The following KCNJ6 variants were observed in gnomAD, a reference collection of about 807,000 sequenced individuals.
KCNJ6 encodes G protein-activated inward rectifier potassium channel 2.
KCNJ6 carries 9 observed loss-of-function variants against 34.2 expected under a neutral mutation model. The ratio of observed to expected loss-of-function variants is 0.26; its 90% CI spans 0.16 to 0.46. KCNJ6 has a LOEUF of 0.46. KCNJ6 is among the 20% of genes least tolerant of loss of function. The pLI, the probability that KCNJ6 is intolerant of heterozygous loss-of-function variation, is 1.00. For synonymous variants in KCNJ6, 196 were observed against 207.1 expected, an observed-to-expected ratio of 0.95 and a Z score of 0.46; for missense variants, 236 against 531.3, an observed-to-expected ratio of 0.44 and a Z score of 5.46.
chr21:37,702,803 T>C (rs1033598581), intron 3 of KCNJ6, among the ~76,000 whole-genome samples: 2 of 151,842 alleles, frequency 1.3e-5, no homozygotes. Context: ...CTTATTGAGG[T>C]AGGAGGGAAA....
chr21:37,674,899 T>C (rs1161358603), intron 3 of KCNJ6, among the ~76,000 whole-genome samples: 2 of 152,286 alleles, frequency 1.3e-5, no homozygotes, highest in African/African-American at 4.8e-5. Flanking sequence ...AATGAATGAA[T>C]GAATAATGAA....
At chr21:37,752,748 A>G (rs1236557312) in intron 2 of KCNJ6, among the ~76,000 whole-genome samples, 1 of 152,096 alleles carries the variant, frequency 6.6e-6, no homozygotes, top group Non-Finnish European at 1.5e-5. Flanking sequence ...TCTTCCTGCA[A>G]CCCTGAGGAG....
At chr21:37,796,788 T>TTTC (rs2055244943) in intron 2 of KCNJ6, among the ~76,000 whole-genome samples, 1 of 129,746 alleles carries the variant, frequency 7.7e-6, no homozygotes, top group African/African-American at 2.9e-5. Flanking sequence ...TCTTTTTTTT[T>TTTC]TTTTTTTTTT....
At chr21:37,903,870 C>T (rs1187367266) in intron 1 of KCNJ6, among the ~76,000 whole-genome samples, 1 of 152,154 alleles carries the variant, frequency 6.6e-6, no homozygotes, top group African/African-American at 2.4e-5. Context: ...ACCAGGACAC[C>T]CAGGGTCTGT....
At chr21:37,626,716 A>G (rs1308684644) in intron 3 of KCNJ6, among the ~76,000 whole-genome samples, 1 of 152,212 alleles carries the variant, frequency 6.6e-6, no homozygotes, top group Admixed American at 6.5e-5. Flanking sequence ...TCATTAATCC[A>G]GGGCTGACTT....
At position 37,622,388 on chromosome 21, in the gene KCNJ6, C is replaced by T. The variant is rs2054292652; in HGVS notation, c.*2771G>A. ...AGCTGTCTTAATGGAAAACACCATT[C>T]ACTCACTACTCGCTGCTTAGAAAAT... On this transcript the variant is annotated 3_prime_UTR_variant, in exon 4 of 4. Coordinates refer to ENST00000609713, the MANE Select transcript of KCNJ6 (RefSeq NM_002240.5). 6.6e-6 allele frequency: 1 copy of T among 152,212 alleles called. No homozygotes were observed. Among genetic ancestry groups the T allele is most frequent in the South Asian group, 2.1e-4 (1 of 4,834 alleles). 9.4% of individuals were successfully genotyped at this position (152,212 alleles called of 1,614,324 possible). A position where few individuals can be genotyped will look rare whatever the true frequency, so the allele number is the denominator to read the frequency against.
At chr21:37,646,660 G>C (rs970916981) in intron 3 of KCNJ6, among the ~76,000 whole-genome samples, 3 of 148,392 alleles carry the variant, frequency 2.0e-5, no homozygotes, top group African/African-American at 7.6e-5. Context: ...GTTTCAGTTA[G>C]TTTTTTAAAT....
intron 2 of KCNJ6, among the ~76,000 whole-genome samples, chr21:37,812,928 G>A (rs959285237): frequency 6.6e-6 from 1 of 152,130 alleles, no homozygotes; most frequent in Non-Finnish European, 1.5e-5. Context: ...CGTCAGACAA[G>A]AGAAAGAAGT....
At chr21:37,832,987 C>G (rs561143594) in intron 2 of KCNJ6, among the ~76,000 whole-genome samples, 1 of 151,254 alleles carries the variant, frequency 6.6e-6, no homozygotes, top group African/African-American at 2.4e-5. Context: ...ATCTCCCTGT[C>G]CCCCAGTCTG....
At position 37,607,778 on chromosome 21, in the gene KCNJ6, GA is replaced by G. The variant is rs2054229409; in HGVS notation, c.*17380del. 6.6e-6 allele frequency: 1 copy of G among 152,122 alleles called. No individual in the cohort carries two copies. Among genetic ancestry groups the G allele is most frequent in the African/African-American group, 2.4e-5 (1 of 41,432 alleles). The allele number at this position is 152,122 out of a possible 1,614,324, so 9.4% of individuals were successfully genotyped here. On this transcript the variant is annotated 3_prime_UTR_variant, in exon 4 of 4. Coordinates refer to ENST00000609713, the MANE Select transcript of KCNJ6 (RefSeq NM_002240.5). Reference sequence around the variant, plus strand: ...GAAGCCTTGGTAGCAACTTTTGAAAGAAGCATTTCTTGTTTTCTTTCTGTTC... The same window carrying G: ...GAAGCCTTGGTAGCAACTTTTGAAAGAGCATTTCTTGTTTTCTTTCTGTTC...
chr21:37,693,023 CCCTGTGTATGTT>C (rs918248651), intron 3 of KCNJ6, among the ~76,000 whole-genome samples: 2 of 152,188 alleles, frequency 1.3e-5, no homozygotes, highest in Non-Finnish European at 2.9e-5. Context: ...GACTGCCGCA[CCCTGTGTATGTT>C]CCATCATGTT....
rs912681530 is a variant in KCNJ6, at chr21:37,695,727, C to T, written c.946+18484G>A. ...CCGACCTCTTTTGTAAATGGAGGGA[C>T]CTGGTATGAATATCTTCTCGGTACA... On this transcript the variant is annotated intron_variant, in intron 3 of 3. Transcript: ENST00000609713. The surrounding 1 kb of genome is among the most constrained non-coding windows in gnomAD (Gnocchi z 4.2). 2.6e-4 allele frequency among the ~76,000 whole-genome samples: 39 copies of T among 152,134 alleles called. 1 individual carries two copies. The highest frequency in any genetic ancestry group is 6.2e-4 in the South Asian group (3 of 4,822).
chr21:37,884,548 T>C (rs896371539), intron 1 of KCNJ6, among the ~76,000 whole-genome samples: 15 of 152,174 alleles, frequency 9.9e-5, no homozygotes, highest in African/African-American at 3.6e-4. Context: ...AGAAGCCACA[T>C]TGCCTTCTGC....
chr21:37,887,172 G>A (rs975993022), intron 1 of KCNJ6, among the ~76,000 whole-genome samples: 2 of 152,126 alleles, frequency 1.3e-5, no homozygotes, highest in African/African-American at 4.8e-5. Context: ...TCACCCTTGT[G>A]TGGGAGGCTC....
chr21:37,743,988 A>G (rs2054953823), intron 2 of KCNJ6, among the ~76,000 whole-genome samples: 1 of 151,850 alleles, frequency 6.6e-6, no homozygotes, highest in Admixed American at 6.6e-5. Context: ...AACTTTTTGG[A>G]GAAAAATTCA....
At chr21:37,914,583 C>A (rs913409433) in intron 1 of KCNJ6, among the ~76,000 whole-genome samples, 6 of 152,200 alleles carry the variant, frequency 3.9e-5, no homozygotes, top group African/African-American at 1.4e-4. Context: ...CAATTTTTTT[C>A]CCCTATAACT....
intron 2 of KCNJ6, among the ~76,000 whole-genome samples, chr21:37,746,052 C>G (rs1338922419): frequency 6.6e-6 from 1 of 152,228 alleles, no homozygotes. Flanking sequence ...TGGCAGACAG[C>G]AAACTCTATC....
At chr21:37,821,555 C>A (rs145939224) in intron 2 of KCNJ6, among the ~76,000 whole-genome samples, 8 of 152,140 alleles carry the variant, frequency 5.3e-5, no homozygotes, top group Admixed American at 1.3e-4. Flanking sequence ...CCTGCCCCCC[C>A]AACAGGCCCC....
At chr21:37,804,499 T>C (rs1165450295) in intron 2 of KCNJ6, among the ~76,000 whole-genome samples, 1 of 152,210 alleles carries the variant, frequency 6.6e-6, no homozygotes, top group Admixed American at 6.5e-5. Flanking sequence ...TGGGGGTTTG[T>C]TGTACAGATT....
Sources: allele counts gnomAD v4.1 joint callset (sites outside exome capture counted in the v4.1 genomes callset), GRCh38; gene constraint gnomAD v4.1.1; non-coding constraint Gnocchi (gnomAD v3.1); transcripts MANE v1.5; gene names NCBI Gene and HGNC (gene_info 2026-07-23, HGNC 2026-07-21).